Variants in PASD1 observed in about 807,000 individuals in gnomAD.
The protein encoded by PASD1 is circadian clock protein PASD1.
A neutral mutation model predicts 58.8 loss-of-function variants in PASD1; 13 were observed. The ratio of observed to expected loss-of-function variants is 0.22; its 90% CI spans 0.14 to 0.35. The LOEUF (loss-of-function observed/expected upper bound fraction) is 0.35, where lower values mean the gene tolerates loss of function less well. Among genes scored for constraint, PASD1 ranks in the 10% least tolerant of loss-of-function variants. The pLI, the probability that PASD1 is intolerant of heterozygous loss-of-function variation, is 1.00. For missense variants in PASD1, 734 were observed against 568.3 expected (o/e 1.29, Z -2.96); for synonymous variants, 236 against 216.7 (o/e 1.09, Z -0.78).
intron 4 of PASD1, among the ~76,000 whole-genome samples, chrX:151,618,438 A>G (rs776305263): frequency 2.7e-5 from 3 of 112,078 alleles, no homozygotes; most frequent in Non-Finnish European, 5.6e-5. Flanking sequence ...CTGATATTCA[A>G]TTTATCCATG....
chrX:151,565,326 T>C (rs1199114232), intron 1 of PASD1, among the ~76,000 whole-genome samples: 1 of 111,855 alleles, frequency 8.9e-6, no homozygotes, highest in East Asian at 2.8e-4. Context: ...TTCAGGCCAA[T>C]GTAGCCAGTA....
intron 4 of PASD1, among the ~76,000 whole-genome samples, chrX:151,614,890 T>A (rs2013618532): frequency 8.9e-6 from 1 of 112,157 alleles, no homozygotes; most frequent in Non-Finnish European, 1.9e-5. Flanking sequence ...CTCATTCTCT[T>A]TCATTTTTTA....
intron 8 of PASD1, among the ~76,000 whole-genome samples, chrX:151,634,216 TCTC>T (rs2013901652): frequency 9.0e-6 from 1 of 111,375 alleles, no homozygotes. Context: ...ATTATCATTC[TCTC>T]CTCTTCTCTC....
chrX:151,570,230 G>T (rs951585473), intron 1 of PASD1, among the ~76,000 whole-genome samples: 2 of 111,244 alleles, frequency 1.8e-5, no homozygotes, highest in African/African-American at 3.3e-5. Context: ...TAAATTAGGA[G>T]AAACCTAATT....
At chrX:151,568,856 A>G (rs1284433688) in intron 1 of PASD1, among the ~76,000 whole-genome samples, 3 of 111,130 alleles carry the variant, frequency 2.7e-5, no homozygotes, top group African/African-American at 9.8e-5. Flanking sequence ...TTTTCGGTGA[A>G]CTTCTCCATC....
intron 8 of PASD1, among the ~76,000 whole-genome samples, chrX:151,638,293 G>T (rs1398574223): frequency 9.1e-6 from 1 of 109,488 alleles, no homozygotes; most frequent in African/African-American, 3.3e-5. Flanking sequence ...GGGGCCTTTT[G>T]GGGAGTGGGG....
intron 10 of PASD1, 41 bp from the exon 11 acceptor site, chrX:151,664,078 T>C (rs773511928): frequency 8.3e-7 from 1 of 1,207,979 alleles, no homozygotes; most frequent in Non-Finnish European, 1.1e-6. Context: ...TTAGTACTTT[T>C]GCTTTTTAAG....
intron 4 of PASD1, among the ~76,000 whole-genome samples, chrX:151,615,373 T>G: frequency 9.0e-6 from 1 of 111,531 alleles, no homozygotes; most frequent in Non-Finnish European, 1.9e-5. Context: ...CTGCCAGCCT[T>G]AAACAATAGA....
At chrX:151,628,032 G>A (rs1475670195) in intron 8 of PASD1, among the ~76,000 whole-genome samples, 7 of 111,240 alleles carry the variant, frequency 6.3e-5, no homozygotes, top group Admixed American at 2.9e-4. Flanking sequence ...CATATCCTTC[G>A]CCCACTTGTT....
At chrX:151,644,099 A>G (rs1017726546) in intron 8 of PASD1, among the ~76,000 whole-genome samples, 8 of 112,132 alleles carry the variant, frequency 7.1e-5, no homozygotes, top group Non-Finnish European at 1.1e-4. Context: ...CCTTTAGCCA[A>G]GGTTCCTAAA....
intron 9 of PASD1, among the ~76,000 whole-genome samples, chrX:151,654,032 C>T (rs1355384699): frequency 9.9e-6 from 1 of 101,169 alleles, no homozygotes; most frequent in Non-Finnish European, 2.0e-5. Context: ...AATGCAGTGG[C>T]ATGGTCAGCT....
chrX:151,668,916 A>ATTT (rs5904327), intron 11 of PASD1, among the ~76,000 whole-genome samples: 23,730 of 93,093 alleles, frequency 0.25, 2,708 homozygotes, highest in Middle Eastern at 0.43. Context: ...AAAAAAAGAG[A>ATTT]TTTTTTTTTT....
chrX:151,605,632 T>C (rs1234901485), intron 3 of PASD1, among the ~76,000 whole-genome samples: 1 of 111,631 alleles, frequency 9.0e-6, no homozygotes, highest in Non-Finnish European at 1.9e-5. Flanking sequence ...AGGGTCTCAC[T>C]GTGTCATCCA....
intron 1 of PASD1, among the ~76,000 whole-genome samples, chrX:151,596,583 G>A (rs2013324760): frequency 8.9e-6 from 1 of 112,455 alleles, no homozygotes; most frequent in Admixed American, 9.4e-5. Context: ...TGTTGCTATT[G>A]TATGTTTTAA....
At chrX:151,576,658 A>G (rs767422824) in intron 1 of PASD1, among the ~76,000 whole-genome samples, 12 of 112,043 alleles carry the variant, frequency 1.1e-4, no homozygotes, top group Non-Finnish European at 2.3e-4. Context: ...TTGTAGATCA[A>G]TAAGAAGTGT....
At chrX:151,587,235 T>C (rs1230666084) in intron 1 of PASD1, among the ~76,000 whole-genome samples, 2 of 106,886 alleles carry the variant, frequency 1.9e-5, no homozygotes, top group Non-Finnish European at 3.9e-5. Context: ...CTTTTTTTTT[T>C]TTTTTTTGTA....
rs2014287504 is a variant in PASD1, at chrX:151,659,746, G to A, written c.751G>A (p.Gly251Arg). The A allele has an allele frequency of 8.3e-7, 1 of 1,200,729 alleles. No homozygotes were observed. The highest frequency in any genetic ancestry group is 1.8e-5 in the African/African-American group (1 of 56,952). The stretch of plus-strand genomic sequence containing the variant: ...TGATATTGCAGAGGTTGAGCAGTAT[G>A]GACCACAAGAAAACGTTCACATGTT... ...QIDIAEVEQYGPQENVHMFVD... is the reference protein window; with the variant it reads ...QIDIAEVEQYRPQENVHMFVD... The change falls in exon 10 of 16, where the codon GGA (glycine) becomes AGA (arginine). Residue 251 changes from glycine to arginine, a missense_variant. Physicochemically the swap from Gly to Arg is moderately radical, Grantham distance 125 (BLOSUM62 -2). Transcript: ENST00000370357.
At chrX:151,641,016 A>T (rs991282751) in intron 8 of PASD1, 1 of 111,730 alleles carries the variant, frequency 9.0e-6, no homozygotes, top group African/African-American at 3.3e-5. Context: ...ACATTAGGGC[A>T]ACTCTTACCA....
rs1242905636 is a variant in PASD1 at position 151,671,126 on chromosome X, G to C, written c.1160G>C (p.Arg387Thr). ...AAGTTGAAGGAGCAGCTAGAAGAGA[G>C]GACTTGGTTGCTGCATGATGCCATC... ...MKKLKEQLEE[R>T]TWLLHDAIQN... Residue 387 changes from arginine to threonine, a missense_variant, in exon 12 of 16, where the codon AGG becomes ACG. Physicochemically the swap from Arg to Thr is moderately conservative, Grantham distance 71. Transcript: ENST00000370357. 3 of 1,211,823 alleles carry C rather than the reference G, an allele frequency of 2.5e-6. No homozygotes were observed. The highest frequency in any genetic ancestry group is 3.5e-5 in the South Asian group (2 of 56,949).
Sources: gnomAD v4.1 joint callset for allele counts (sites outside exome capture counted in the v4.1 genomes callset) on GRCh38, gnomAD v4.1.1 for gene constraint, MANE v1.5 for transcripts, NCBI Gene and HGNC (gene_info 2026-07-23, HGNC 2026-07-21) for gene names.